ZNF445: variants seen among roughly 807,000 people sequenced by gnomAD.
ZNF445 encodes the protein zinc finger protein 168.
Under a neutral mutation model 93.9 loss-of-function variants are expected in ZNF445, and 19 were observed. The ratio of observed to expected loss-of-function variants is 0.20; its 90% CI spans 0.14 to 0.30. The LOEUF is 0.30. Among genes scored for constraint, ZNF445 ranks in the 10% least tolerant of loss-of-function variants. ZNF445 has a pLI of 1.00. For missense variants in ZNF445, 1,058 were observed against 1,259.4 expected (o/e 0.84, Z 2.42); for synonymous variants, 449 against 446.3 (o/e 1.01, Z -0.08).
intron 2 of ZNF445, among the ~76,000 whole-genome samples, chr3:44,456,635 C>T (rs1036426360): frequency 2.6e-5 from 4 of 152,090 alleles, no homozygotes; most frequent in Non-Finnish European, 5.9e-5. Context: ...GCCCAACTGA[C>T]TTTTTAAATA....
At chr3:44,456,393 G>C (rs899138138) in intron 2 of ZNF445, among the ~76,000 whole-genome samples, 1 of 152,098 alleles carries the variant, frequency 6.6e-6, no homozygotes, top group African/African-American at 2.4e-5. Flanking sequence ...CTCCAGCCTG[G>C]GCAACAGAGC....
intron 3 of ZNF445, among the ~76,000 whole-genome samples, chr3:44,451,927 T>C (rs1179372638): frequency 6.6e-6 from 1 of 152,184 alleles, no homozygotes; most frequent in East Asian, 1.9e-4. Context: ...CAAGTGCTGC[T>C]CTAGGCACTG....
rs990520188 is a variant in ZNF445 at position 44,458,262 on chromosome 3, G to C, written c.-166C>G. ...CACGCACCTGTAGTCCCAGCTACTCGGGAGGCTGAGGCAGAAGAATCACTT... is the reference window on the plus strand; with the variant it reads ...CACGCACCTGTAGTCCCAGCTACTCCGGAGGCTGAGGCAGAAGAATCACTT... On this transcript the variant is annotated 5_prime_UTR_variant, in exon 2 of 8. Transcript: ENST00000396077. 6.6e-6 allele frequency: 1 copy of C among 151,866 alleles called. No individual in the cohort carries two copies. The highest frequency in any genetic ancestry group is 1.5e-5 in the Non-Finnish European group (1 of 68,050). 9.4% of individuals were successfully genotyped at this position (151,866 alleles called of 1,614,324 possible). A position where few individuals can be genotyped will look rare whatever the true frequency, so the allele number is the denominator to read the frequency against.
intron 3 of ZNF445, among the ~76,000 whole-genome samples, chr3:44,454,355 T>A (rs559901445): frequency 6.6e-6 from 1 of 152,142 alleles, no homozygotes; most frequent in Admixed American, 6.5e-5. Context: ...TACAGGGCTA[T>A]GGTTAGTCTC....
rs1043671430 is a variant in ZNF445, at chr3:44,454,911, G to A, written c.429+210C>T. 6.7e-5 allele frequency: 41 copies of A among 607,518 alleles called. No homozygotes were observed. In the South Asian group the frequency reaches 8.0e-4, roughly 12 times the overall value. 37.6% of individuals were successfully genotyped at this position (607,518 alleles called of 1,614,324 possible). A position where few individuals can be genotyped will look rare whatever the true frequency, so the allele number is the denominator to read the frequency against. The stretch of plus-strand genomic sequence containing the variant: ...AGACTTGCTGACCCTATCTGGAGCT[G>A]ATATTCCTCTGGGAAGGTAGGAAAG... On this transcript the variant is annotated intron_variant, in intron 3 of 7. Transcript: ENST00000396077.
Position 44,448,021 on chromosome 3 carries a change from G to A in ZNF445, c.1650C>T (p.Phe550=). The part of the protein sequence containing the change: ...PYKCDLCEKA[F]RRLSAYRLHR... The stretch of plus-strand genomic sequence containing the variant: ...GCAGACGGTAGGCTGACAGGCGTCG[G>A]AAAGCTTTCTCACATAAATCGCATT... The change falls in exon 8 of 8, where the codon TTC becomes TTT. Residue 550 remains phenylalanine, a synonymous_variant. Transcript: ENST00000396077. The A allele has an allele frequency of 6.2e-7, 1 of 1,611,300 alleles. No individual in the cohort carries two copies. The highest frequency in any genetic ancestry group is 8.5e-7 in the Non-Finnish European group (1 of 1,179,996).
In ZNF445 at chr3:44,440,160, A is replaced by T. The variant is rs1045146047; in HGVS notation, c.*6415T>A. The T allele has an allele frequency of 4.6e-5, 7 of 152,210 alleles. No homozygotes were observed. Among genetic ancestry groups the T allele is most frequent in the Non-Finnish European group, 7.3e-5 (5 of 68,044 alleles). 9.4% of individuals were successfully genotyped at this position (152,210 alleles called of 1,614,324 possible). On this transcript the variant is annotated 3_prime_UTR_variant, in exon 8 of 8. Transcript: ENST00000396077. ...GCCTTTTTAGCTACTTAAATATAGT[A>T]CACTTCTTTATAAGGTCTTTGCTAA...
At position 44,446,296 on chromosome 3, in the gene ZNF445, C is replaced by A; in HGVS notation, c.*279G>T. The A allele has an allele frequency of 2.3e-6, 1 of 436,218 alleles. No homozygotes were observed. The highest frequency in any genetic ancestry group is 4.1e-6 in the Non-Finnish European group (1 of 242,554). The allele number at this position is 436,218 out of a possible 1,614,324, so 27.0% of individuals were successfully genotyped here. On this transcript the variant is annotated 3_prime_UTR_variant, in exon 8 of 8. Coordinates refer to ENST00000396077, the MANE Select transcript of ZNF445 (RefSeq NM_181489.6). This position sits in a 1 kb window ranked among gnomAD's most constrained non-coding sequence, Gnocchi z 4.2. Reference sequence around the variant, plus strand: ...CTCTCTTCAGAGTTGTGGAAGGAGACCTGAATAGGGGAGCCGCAGGCTATG... The same window carrying A: ...CTCTCTTCAGAGTTGTGGAAGGAGAACTGAATAGGGGAGCCGCAGGCTATG...
At chr3:44,455,913 A>G (rs1174927997) in intron 2 of ZNF445, among the ~76,000 whole-genome samples, 4 of 152,218 alleles carry the variant, frequency 2.6e-5, no homozygotes, top group African/African-American at 9.6e-5. Flanking sequence ...CTTCGTAAAA[A>G]ACACAAAGGG....
rs1697784175 is a variant in ZNF445 at position 44,440,254 on chromosome 3, G to A, written c.*6321C>T. ...AAATCTCCTTGCTGTTCTTAGCAGGGTTAACATTAACTTTAAAAGGTGTGG... is the reference window on the plus strand; with the variant it reads ...AAATCTCCTTGCTGTTCTTAGCAGGATTAACATTAACTTTAAAAGGTGTGG... On this transcript the variant is annotated 3_prime_UTR_variant, in exon 8 of 8. Transcript: ENST00000396077. The A allele has an allele frequency of 6.6e-6, 1 of 152,192 alleles. No individual in the cohort carries two copies. Among genetic ancestry groups the A allele is most frequent in the Non-Finnish European group, 1.5e-5 (1 of 68,036 alleles). 9.4% of individuals were successfully genotyped at this position (152,192 alleles called of 1,614,324 possible). A position where few individuals can be genotyped will look rare whatever the true frequency, so the allele number is the denominator to read the frequency against.
Position 44,449,559 on chromosome 3 carries a change from G to C in ZNF445, c.885C>G (p.Asn295Lys), listed in dbSNP as rs1043129021. 6.2e-7 allele frequency: 1 copy of C among 1,614,186 alleles called. No homozygotes were observed. Residue 295 changes from asparagine to lysine, a missense_variant, in exon 7 of 8, where the codon AAC becomes AAG. Coordinates refer to ENST00000396077, the MANE Select transcript of ZNF445 (RefSeq NM_181489.6). ...TCCCCTTAGGCTGAGCTGCCTGCAT[G>C]TTCAGGCCCCATGGCTCCCTTGCTT... ...WLEAREPWGL[N>K]MQAAQPKGNP... is the part of the protein sequence containing the mutation.
At position 44,436,420 on chromosome 3, in the gene ZNF445, T is replaced by G. The variant is rs1697680807; in HGVS notation, c.*10155A>C. On this transcript the variant is annotated 3_prime_UTR_variant, in exon 8 of 8. Transcript: ENST00000396077. ...AGCCCCACTGCACTTCAGGGAGCAT[T>G]TCCCACTGTAATGTGGCCTGTATAG... is the stretch of plus-strand genomic sequence containing the variant. 6.6e-6 allele frequency: 1 copy of G among 152,196 alleles called. No individual in the cohort carries two copies. The highest frequency in any genetic ancestry group is 2.4e-5 in the African/African-American group (1 of 41,462). The allele number at this position is 152,196 out of a possible 1,614,324, so 9.4% of individuals were successfully genotyped here. A position where few individuals can be genotyped will look rare whatever the true frequency, so the allele number is the denominator to read the frequency against.
rs1416078920 is a variant in ZNF445, at chr3:44,432,580, G to A, written c.*13995C>T. On this transcript the variant is annotated 3_prime_UTR_variant, in exon 8 of 8. Transcript: ENST00000396077. ...ACTTTATGTTCTCCTCAGGTCTTCA[G>A]GTGATTGGATGAAGCCCACCCACAG... 6.6e-6 allele frequency: 1 copy of A among 152,176 alleles called. No individual in the cohort carries two copies. The highest frequency in any genetic ancestry group is 1.9e-4 in the East Asian group (1 of 5,202). 9.4% of individuals were successfully genotyped at this position (152,176 alleles called of 1,614,324 possible).
At chr3:44,469,785 ACAAAAC>A (rs1559399835) in intron 1 of ZNF445, among the ~76,000 whole-genome samples, 2 of 149,700 alleles carry the variant, frequency 1.3e-5, no homozygotes, top group Non-Finnish European at 3.0e-5. Flanking sequence ...AAAAACAAAA[ACAAAAC>A]AAAACAAAAC....
At chr3:44,469,596 C>G (rs1698238362) in intron 1 of ZNF445, among the ~76,000 whole-genome samples, 2 of 151,966 alleles carry the variant, frequency 1.3e-5, no homozygotes, top group Admixed American at 6.6e-5. Context: ...TGGCGAAACC[C>G]CATCTCTATT....
In ZNF445 at chr3:44,447,699, A is replaced by T. The variant is rs1409868937; in HGVS notation, c.1972T>A (p.Cys658Ser). Residue 658 changes from cysteine (C) to serine (S), a missense_variant, in exon 8 of 8, where the codon TGT (cysteine) becomes AGT (serine). By Grantham distance (112) the Cys-to-Ser change is moderately radical (BLOSUM62 -1). Coordinates refer to ENST00000396077, the MANE Select transcript of ZNF445 (RefSeq NM_181489.6). This position sits in a 1 kb window ranked among gnomAD's most constrained non-coding sequence, Gnocchi z 4.7. The part of the protein sequence containing the change: ...EEEKFYKQDE[C>S]REGFRQSPDC... ...GGAGATTGCCTGAAGCCTTCACGAC[A>T]TTCATCTTGTTTGTAGAATTTTTCC... The T allele has an allele frequency of 8.7e-6, 14 of 1,614,014 alleles. No homozygotes were observed. The African/African-American group carries it at 1.9e-4, about 22-fold the overall frequency.
rs1697872505 is a variant in ZNF445 at position 44,445,920 on chromosome 3, T to C, written c.*655A>G. The C allele has an allele frequency of 6.5e-6, 1 of 152,998 alleles. No homozygotes were observed. The highest frequency in any genetic ancestry group is 1.5e-5 in the Non-Finnish European group (1 of 68,692). 9.5% of individuals were successfully genotyped at this position (152,998 alleles called of 1,614,324 possible). A position where few individuals can be genotyped will look rare whatever the true frequency, so the allele number is the denominator to read the frequency against. On this transcript the variant is annotated 3_prime_UTR_variant, in exon 8 of 8. Transcript: ENST00000396077. ...CATTTCTGTTAAACAGATGGACCGC[T>C]GCTGCCTATGCAGGCCTGTGGGATG... is the stretch of plus-strand genomic sequence containing the variant.
intron 1 of ZNF445, among the ~76,000 whole-genome samples, chr3:44,467,855 G>A (rs955033117): frequency 1.3e-5 from 2 of 152,116 alleles, no homozygotes; most frequent in African/African-American, 4.8e-5. Flanking sequence ...TATTGTAGCT[G>A]TTCTTGAGGG....
In ZNF445 at chr3:44,455,622, T is replaced by C. The variant is rs1698018686; in HGVS notation, c.-73A>G. On this transcript the variant is annotated 5_prime_UTR_variant, in exon 3 of 8. Coordinates refer to ENST00000396077, the MANE Select transcript of ZNF445 (RefSeq NM_181489.6). ...TAGACGTGGGTCCTCAGAAGTATCT[T>C]CTCAGCAGTCAACAATGCCAACATT... The C allele has an allele frequency of 1.4e-6, 2 of 1,407,872 alleles. No individual in the cohort carries two copies. Among genetic ancestry groups the C allele is most frequent in the Non-Finnish European group, 1.9e-6 (2 of 1,046,288 alleles). The allele number at this position is 1,407,872 out of a possible 1,614,324, so 87.2% of individuals were successfully genotyped here. A position where few individuals can be genotyped will look rare whatever the true frequency, so the allele number is the denominator to read the frequency against.
Sources: allele counts gnomAD v4.1 joint callset (sites outside exome capture counted in the v4.1 genomes callset), GRCh38; gene constraint gnomAD v4.1.1; non-coding constraint Gnocchi (gnomAD v3.1); transcripts MANE v1.5; gene names NCBI Gene and HGNC (gene_info 2026-07-23, HGNC 2026-07-21).